Variants in SURF1 observed in about 807,000 individuals in gnomAD.
SURF1 encodes the protein surfeit locus protein 1.
In SURF1, 45 loss-of-function variants were observed where a neutral mutation model predicts 34.1. The observed-to-expected ratio is 1.32, with a 90% CI of 1.04 to 1.69. The LOEUF is 1.69. Among genes scored for constraint, SURF1 ranks in the 40% most tolerant of loss-of-function variants. The probability of loss-of-function intolerance (pLI) is 0.00; values close to 1 mark genes in which losing one functional copy is unlikely to be tolerated. For synonymous variants in SURF1, 188 were observed against 147.5 expected (o/e 1.27, Z -1.99); for missense variants, 456 against 384.6 (o/e 1.19, Z -1.55).
intron 4 of SURF1, among the ~76,000 whole-genome samples, chr9:133,354,451 A>G (rs2130017143): frequency 6.6e-6 from 1 of 152,284 alleles, no homozygotes; most frequent in East Asian, 1.9e-4. Flanking sequence ...ACTTTCCTCC[A>G]TATGTCAGGA....
At chr9:133,352,278 G>C (rs1836440763) in intron 7 of SURF1, 136 bp from the exon 8 acceptor site, 6 of 1,372,664 alleles carry the variant, frequency 4.4e-6, no homozygotes, top group Non-Finnish European at 6.1e-6. Flanking sequence ...CCCCGCCCTT[G>C]TCCGCTCAGT....
At position 133,352,540 on chromosome 9, in the gene SURF1, C is replaced by G; in HGVS notation, c.657G>C (p.Glu219Asp). The part of the protein sequence containing the change: ...LTETRQPFVP[E>D]NNPERNHWHY... The stretch of plus-strand genomic sequence containing the variant: ...GCCAGTGGTTCCTTTCTGGATTGTT[C>G]TCAGGGACAAAAGGCTGCCTGGTTT... Residue 219 changes from glutamate (E) to aspartate (D), a missense_variant, in exon 7 of 9, where the codon GAG becomes GAC. Glu to Asp is a conservative substitution (Grantham distance 45, BLOSUM62 2). Transcript: ENST00000371974. The G allele has an allele frequency of 6.2e-7, 1 of 1,614,212 alleles. No homozygotes were observed. Among genetic ancestry groups the G allele is most frequent in the Non-Finnish European group, 8.5e-7 (1 of 1,180,044 alleles).
chr9:133,352,400 A>G, intron 7 of SURF1, 46 bp downstream of exon 7: 2 of 1,614,018 alleles, frequency 1.2e-6, no homozygotes, highest in Non-Finnish European at 1.7e-6. Flanking sequence ...GAAGGACAGT[A>G]TTCACAAAAG....
At position 133,352,595 on chromosome 9, in the gene SURF1, A is replaced by C. The variant is rs1471826077; in HGVS notation, c.602T>G (p.Val201Gly). The C allele has an allele frequency of 1.9e-6, 3 of 1,614,004 alleles. No homozygotes were observed. ...CAGCCTCACCATCCCAATGAGGTCCACTTCTCCCTCAATCTATAAAGGAAG... is the reference window on the plus strand; with the variant it reads ...CAGCCTCACCATCCCAATGAGGTCCCCTTCTCCCTCAATCTATAAAGGAAG... ...TRQKGQIEGE[V>G]DLIGMVRLTE... Residue 201 changes from valine (V) to glycine (G), a missense_variant, in exon 7 of 9, where the codon GTG (valine) becomes GGG (glycine). Coordinates refer to ENST00000371974, the MANE Select transcript of SURF1 (RefSeq NM_003172.4).
Position 133,353,781 on chromosome 9 carries a change from A to G in SURF1, c.483T>C (p.Tyr161=), listed in dbSNP as rs898147306. The G allele has an allele frequency of 6.2e-7, 1 of 1,613,848 alleles. No individual in the cohort carries two copies. Among genetic ancestry groups the G allele is most frequent in the South Asian group, 1.1e-5 (1 of 91,084 alleles). The part of the protein sequence containing the change: ...LISSSTQSGA[Y]VVTPFHCTDL... ...CGGTGCAGTGGAAGGGAGTGACCAC[A>G]TAGGCCCCACTCTGAGTTGAGGAGG... Residue 161 remains tyrosine (Y), a synonymous_variant, in exon 5 of 9, where the codon TAT becomes TAC. Transcript: ENST00000371974.
Position 133,356,275 on chromosome 9 carries a change from G to A in SURF1, c.100C>T (p.Arg34Cys). The change falls in exon 2 of 9, where the codon CGC becomes TGC. Residue 34 changes from arginine to cysteine, a missense_variant. By Grantham distance (180) the Arg-to-Cys change is radical. Transcript: ENST00000371974. ...CCCGGCCTGCAGCCCTCACCTGGGC[G>A]CGGGGAGACCCTGAGGACGCTCCTC... ...AWRSVLRVSP[R>C]PGVAWRPSRC... 1.3e-6 allele frequency: 2 copies of A among 1,532,806 alleles called. No homozygotes were observed. Among genetic ancestry groups the A allele is most frequent in the African/African-American group, 1.4e-5 (1 of 72,852 alleles). The allele number at this position is 1,532,806 out of a possible 1,614,324, so 95.0% of individuals were successfully genotyped here. A position where few individuals can be genotyped will look rare whatever the true frequency, so the allele number is the denominator to read the frequency against.
chr9:133,355,654 TATATC>T (rs1284792855), intron 2 of SURF1, among the ~76,000 whole-genome samples: 2 of 152,106 alleles, frequency 1.3e-5, no homozygotes, highest in Non-Finnish European at 2.9e-5. Context: ...TGTAGAAAAA[TATATC>T]AATTCAGTAA....
chr9:133,355,681 GCT>G (rs1836556773), intron 2 of SURF1, among the ~76,000 whole-genome samples: 1 of 152,220 alleles, frequency 6.6e-6, no homozygotes, highest in Non-Finnish European at 1.5e-5. Flanking sequence ...GGCTCACAGA[GCT>G]CTCTTAACAG....
Position 133,352,766 on chromosome 9 carries a change from T to A in SURF1, c.516A>T (p.Gly172=). ...VVTPFHCTDL[G]VTILVNRGFV... ...ACCCTCTATTTACCAGGATGGTGACTCTAGGGTAATGAAAGTGCTACTTCA... is the reference window on the plus strand; with the variant it reads ...ACCCTCTATTTACCAGGATGGTGACACTAGGGTAATGAAAGTGCTACTTCA... Residue 172 remains glycine, a splice_region_variant and synonymous_variant, in exon 6 of 9, where the codon GGA becomes GGT. Transcript: ENST00000371974. 6.2e-7 allele frequency: 1 copy of A among 1,610,004 alleles called. No homozygotes were observed. Among genetic ancestry groups the A allele is most frequent in the Non-Finnish European group, 8.5e-7 (1 of 1,178,570 alleles).
chr9:133,352,497 C>T lies in SURF1; in HGVS notation c.700G>A (p.Ala234Thr), dbSNP rs2130007391. 6 of 1,614,244 alleles carry T rather than the reference C, an allele frequency of 3.7e-6. No individual in the cohort carries two copies. The highest frequency in any genetic ancestry group is 1.1e-5 in the South Asian group (1 of 91,088). ...RNHWHYRDLE[A>T]MARITGAEPI... The stretch of plus-strand genomic sequence containing the variant: ...TCTGCGCCTGTGATTCTGGCCATAG[C>T]TTCCAGGTCTCGATAATGCCAGTGG... The change falls in exon 7 of 9, where the codon GCT becomes ACT. Residue 234 changes from alanine to threonine, a missense_variant. Transcript: ENST00000371974.
In SURF1 at chr9:133,351,932, C is replaced by A. The variant is rs2130002761; in HGVS notation, c.884G>T (p.Arg295Leu). 4.3e-6 allele frequency: 7 copies of A among 1,613,798 alleles called. No individual in the cohort carries two copies. Among genetic ancestry groups the A allele is most frequent in the Middle Eastern group, 1.7e-4 (1 of 6,060 alleles). Residue 295 changes from arginine to leucine, a missense_variant, in exon 9 of 9, where the codon CGT (arginine) becomes CTT (leucine). Arg to Leu is a moderately radical substitution (Grantham distance 102, BLOSUM62 -2). Coordinates refer to ENST00000371974, the MANE Select transcript of SURF1 (RefSeq NM_003172.4). ...TSYLWFKKFL[R>L]GTPGV The stretch of plus-strand genomic sequence containing the variant: ...GATCTGTCACACACCAGGTGTCCCA[C>A]GTAGGAATTTCTTAAACCACAGGTA...
chr9:133,355,009 C>G (rs2130020381), intron 2 of SURF1, 52 bp from the exon 3 acceptor site: 3 of 1,607,634 alleles, frequency 1.9e-6, no homozygotes, highest in Non-Finnish European at 1.7e-6. Context: ...GAACACAGAC[C>G]TGGAGCAGCC....
In SURF1 at chr9:133,354,961, G is replaced by T. The variant is rs1836532652; in HGVS notation, c.107-4C>A. 1 of 1,612,964 alleles carries T rather than the reference G, an allele frequency of 6.2e-7. No homozygotes were observed. Among genetic ancestry groups the T allele is most frequent in the Admixed American group, 1.7e-5 (1 of 60,014 alleles). On this transcript the variant is annotated splice_region_variant and splice_polypyrimidine_tract_variant and intron_variant, in intron 2 of 8. Coordinates refer to ENST00000371974, the MANE Select transcript of SURF1 (RefSeq NM_003172.4). ...CTGCTTGGCCTCCAGGCCACCCCTGGAGAGTTTCACAACACTGACATGGAG... is the reference window on the plus strand; with the variant it reads ...CTGCTTGGCCTCCAGGCCACCCCTGTAGAGTTTCACAACACTGACATGGAG...
chr9:133,351,860 G>A lies in SURF1; in HGVS notation c.*53C>T, dbSNP rs1407347807. The A allele has an allele frequency of 1.5e-5, 24 of 1,559,688 alleles. No individual in the cohort carries two copies. The highest frequency in any genetic ancestry group is 2.1e-5 in the Non-Finnish European group (24 of 1,137,600). On this transcript the variant is annotated 3_prime_UTR_variant, in exon 9 of 9. Coordinates refer to ENST00000371974, the MANE Select transcript of SURF1 (RefSeq NM_003172.4). ...CCAGTAGCACATGATCCAGCATAAAGGCAGTCTTGAAATACTGCATTATCC... is the reference window on the plus strand; with the variant it reads ...CCAGTAGCACATGATCCAGCATAAAAGCAGTCTTGAAATACTGCATTATCC...
Position 133,352,441 on chromosome 9 carries a change from C to T in SURF1, c.751+5G>A, listed in dbSNP as rs2130006876. 2.0e-5 allele frequency: 32 copies of T among 1,614,104 alleles called. No homozygotes were observed. Among genetic ancestry groups the T allele is most frequent in the Admixed American group, 5.0e-5 (3 of 60,006 alleles). On this transcript the variant is annotated splice_donor_5th_base_variant and intron_variant, in intron 7 of 8. Transcript: ENST00000371974. ...TGTTCCGAGATGGGCTGGTCCACAACGTACGGAAGTTGGCATCAATGAAGA... is the reference window on the plus strand; with the variant it reads ...TGTTCCGAGATGGGCTGGTCCACAATGTACGGAAGTTGGCATCAATGAAGA...
chr9:133,352,478 C>T lies in SURF1; in HGVS notation c.719G>A (p.Gly240Asp), dbSNP rs2130007189. The T allele has an allele frequency of 6.2e-7, 1 of 1,614,206 alleles. No individual in the cohort carries two copies. Among genetic ancestry groups the T allele is most frequent in the East Asian group, 2.2e-5 (1 of 44,890 alleles). ...GGCATCAATGAAGATGGGCTCTGCGCCTGTGATTCTGGCCATAGCTTCCAG... is the reference window on the plus strand; with the variant it reads ...GGCATCAATGAAGATGGGCTCTGCGTCTGTGATTCTGGCCATAGCTTCCAG... ...RDLEAMARIT[G>D]AEPIFIDANF... Residue 240 changes from glycine to aspartate, a missense_variant, in exon 7 of 9, where the codon GGC becomes GAC. Transcript: ENST00000371974.
chr9:133,356,123 A>T, intron 2 of SURF1, 146 bp downstream of exon 2: 2 of 1,091,138 alleles, frequency 1.8e-6, no homozygotes, highest in Non-Finnish European at 2.7e-6. Flanking sequence ...AAAGCATTTT[A>T]ATACGGAACT....
At chr9:133,352,322 C>T in intron 7 of SURF1, 124 bp downstream of exon 7, 2 of 1,532,216 alleles carry the variant, frequency 1.3e-6, no homozygotes. Flanking sequence ...TTGCTGCCTC[C>T]TCCCACCCGC....
Position 133,353,838 on chromosome 9 carries a change from A to G in SURF1, c.426T>C (p.Pro142=), listed in dbSNP as rs1836499882. ...LYMMPRTMVD[P]VREAREGGLI... ...GGCCGCCCTCCCGGGCCTCCCGGACAGGGTCCACCATGGTCCGGGGCATCA... is the reference window on the plus strand; with the variant it reads ...GGCCGCCCTCCCGGGCCTCCCGGACGGGGTCCACCATGGTCCGGGGCATCA... The change falls in exon 5 of 9, where the codon CCT becomes CCC. Residue 142 remains proline, a synonymous_variant. Coordinates refer to ENST00000371974, the MANE Select transcript of SURF1 (RefSeq NM_003172.4). 2 of 1,613,754 alleles carry G rather than the reference A, an allele frequency of 1.2e-6. No individual in the cohort carries two copies. The highest frequency in any genetic ancestry group is 1.3e-5 in the African/African-American group (1 of 74,944).
Sources: gnomAD v4.1 joint callset for allele counts (sites outside exome capture counted in the v4.1 genomes callset) on GRCh38, gnomAD v4.1.1 for gene constraint, MANE v1.5 for transcripts, NCBI Gene and HGNC (gene_info 2026-07-23, HGNC 2026-07-21) for gene names.